The following RICTOR variants were observed in gnomAD, a reference collection of about 807,000 sequenced individuals.
RICTOR encodes the protein rapamycin-insensitive companion of mTOR.
Under a neutral mutation model 214.9 loss-of-function variants are expected in RICTOR, and 49 were observed. The observed-to-expected ratio is 0.23, with a 90% CI of 0.18 to 0.29. The LOEUF (loss-of-function observed/expected upper bound fraction) is 0.29, where lower values mean the gene tolerates loss of function less well. Ranked by LOEUF, RICTOR falls within the 10% of genes least tolerant of loss-of-function variation. The pLI is 1.00. For missense variants in RICTOR, 1,625 were observed against 2,047.0 expected, an observed-to-expected ratio of 0.79 and a Z score of 3.98; for synonymous variants, 717 against 711.3, an observed-to-expected ratio of 1.01 and a Z score of -0.13.
At chr5:38,963,310 A>G (rs1422683988) in intron 16 of RICTOR, among the ~76,000 whole-genome samples, 1 of 151,972 alleles carries the variant, frequency 6.6e-6, no homozygotes, top group African/African-American at 2.4e-5. Flanking sequence ...TGGTTTTAAG[A>G]ACTACAAGGT....
intron 9 of RICTOR, among the ~76,000 whole-genome samples, chr5:38,977,629 G>A (rs970785041): frequency 1.6e-5 from 2 of 125,728 alleles, no homozygotes; most frequent in South Asian, 2.5e-4. Flanking sequence ...ACAGAGTGTC[G>A]CTCTGTCACC....
chr5:38,967,122 A>C (rs1321538741), intron 14 of RICTOR, 39 bp downstream of exon 14: 1 of 1,463,148 alleles, frequency 6.8e-7, no homozygotes, highest in Non-Finnish European at 9.6e-7. Flanking sequence ...GTTAGAGAAA[A>C]TAAACAAAAT....
intron 32 of RICTOR, 123 bp from the exon 33 acceptor site, chr5:38,946,675 A>G (rs1748240723): frequency 4.8e-6 from 3 of 621,896 alleles, no homozygotes; most frequent in Admixed American, 2.8e-5. Context: ...CCTATAATCA[A>G]GTTTACTGAA....
intron 2 of RICTOR, among the ~76,000 whole-genome samples, chr5:39,034,392 T>G (rs1323092610): frequency 1.3e-5 from 2 of 152,218 alleles, no homozygotes; most frequent in Non-Finnish European, 2.9e-5. Context: ...GCATGAGCAA[T>G]GCAGAAGATG....
At chr5:39,021,320 T>G (rs879904467) in intron 2 of RICTOR, among the ~76,000 whole-genome samples, 184 bp from the exon 3 acceptor site, 1 of 152,220 alleles carries the variant, frequency 6.6e-6, no homozygotes, top group South Asian at 2.1e-4. Flanking sequence ...TTCACATCTC[T>G]ACTCCCCTGT....
intron 22 of RICTOR, 56 bp downstream of exon 22, chr5:38,959,132 AAATTCAT>A: frequency 1.5e-6 from 2 of 1,291,488 alleles, no homozygotes; most frequent in Non-Finnish European, 2.1e-6. Context: ...ACTTAGCCCA[AAATTCAT>A]AAAGTAGTGA....
chr5:39,021,163 C>T (rs1408678337), intron 2 of RICTOR, 27 bp from the exon 3 acceptor site: 2 of 1,217,918 alleles, frequency 1.6e-6, no homozygotes, highest in Non-Finnish European at 2.4e-6. Context: ...GACAATTTAA[C>T]ACAATTTTAT....
intron 31 of RICTOR, 129 bp downstream of exon 31, chr5:38,949,583 C>A: frequency 9.5e-7 from 1 of 1,052,758 alleles, no homozygotes; most frequent in Non-Finnish European, 1.4e-6. Context: ...AGCTTATAGC[C>A]TACCATAGTA....
chr5:38,961,633 T>TA (rs1246203287), intron 19 of RICTOR, among the ~76,000 whole-genome samples: 1 of 152,098 alleles, frequency 6.6e-6, no homozygotes, highest in Non-Finnish European at 1.5e-5. Context: ...GTATAAAAAG[T>TA]TAGTACTATG....
chr5:38,998,385 C>T (rs1262739568), intron 5 of RICTOR, among the ~76,000 whole-genome samples: 2 of 152,162 alleles, frequency 1.3e-5, no homozygotes, highest in African/African-American at 4.8e-5. Context: ...AGAGGTTTCG[C>T]CACATTGGCC....
chr5:38,986,074 T>C (rs1373704599), intron 7 of RICTOR, among the ~76,000 whole-genome samples: 3 of 152,184 alleles, frequency 2.0e-5, no homozygotes, highest in African/African-American at 7.2e-5. Context: ...TTTGGCTCTG[T>C]GTCCCCACCC....
At chr5:39,055,590 T>C (rs1435857256) in intron 2 of RICTOR, among the ~76,000 whole-genome samples, 2 of 152,046 alleles carry the variant, frequency 1.3e-5, no homozygotes, top group African/African-American at 4.8e-5. Context: ...AAAAGATCAG[T>C]ACCCAGTACA....
At chr5:39,005,386 A>G (rs1753980027) in intron 3 of RICTOR, among the ~76,000 whole-genome samples, 1 of 151,666 alleles carries the variant, frequency 6.6e-6, no homozygotes, top group South Asian at 2.1e-4. Context: ...CTTCAGTTGA[A>G]TATTTTCTAT....
intron 5 of RICTOR, among the ~76,000 whole-genome samples, chr5:38,997,170 G>A (rs1056305046): frequency 1.3e-5 from 2 of 152,052 alleles, no homozygotes; most frequent in African/African-American, 2.4e-5. Flanking sequence ...TAAACATAAA[G>A]TGTAAAAAGT....
chr5:38,946,338 TTGGTA>T (rs1281262286), intron 33 of RICTOR, 125 bp downstream of exon 33: 1 of 624,698 alleles, frequency 1.6e-6, no homozygotes, highest in African/African-American at 1.8e-5. Flanking sequence ...AACAATTGTT[TTGGTA>T]TAATTTTAAA....
chr5:38,972,445 T>G (rs1214131584), intron 10 of RICTOR, among the ~76,000 whole-genome samples: 1 of 152,224 alleles, frequency 6.6e-6, no homozygotes, highest in Non-Finnish European at 1.5e-5. Context: ...AGTTGAACAA[T>G]TTTAAACATA....
intron 2 of RICTOR, among the ~76,000 whole-genome samples, chr5:39,059,503 G>T (rs1367645662): frequency 6.6e-6 from 1 of 151,932 alleles, no homozygotes; most frequent in Non-Finnish European, 1.5e-5. Context: ...AGACTTTTTG[G>T]ATCTATGCTA....
At position 39,014,607 on chromosome 5, in the gene RICTOR, C is replaced by T. The variant is rs905011785; in HGVS notation, c.195+6432G>A. The stretch of plus-strand genomic sequence containing the variant: ...GAAAAGAGAACTTTTAAGATATAAA[C>T]GAGCTAAAATATTTTCATCTTTAAA... On this transcript the variant is annotated intron_variant, in intron 3 of 37. Transcript: ENST00000357387. 7.2e-5 allele frequency among the ~76,000 whole-genome samples: 11 copies of T among 152,052 alleles called. No homozygotes were observed. The East Asian group carries it at 1.4e-3, about 19-fold the overall frequency.
intron 11 of RICTOR, chr5:38,971,341 T>C (rs1750762814): frequency 6.6e-6 from 1 of 150,504 alleles, no homozygotes; most frequent in Non-Finnish European, 1.5e-5. Flanking sequence ...CTCAACTCAA[T>C]TTTTAATACA....
Sources: allele counts gnomAD v4.1 joint callset (sites outside exome capture counted in the v4.1 genomes callset), GRCh38; gene constraint gnomAD v4.1.1; transcripts MANE v1.5; gene names NCBI Gene and HGNC (gene_info 2026-07-23, HGNC 2026-07-21).